The following TIMP2 variants were observed in gnomAD, a reference collection of about 807,000 sequenced individuals.
The protein encoded by TIMP2 is metalloproteinase inhibitor 2.
TIMP2 carries 5 observed loss-of-function variants against 24.3 expected under a neutral mutation model. The observed-to-expected ratio is 0.21, with a 90% CI of 0.11 to 0.43. The LOEUF (loss-of-function observed/expected upper bound fraction) is 0.43. TIMP2 is among the 20% of genes least tolerant of loss of function. The pLI is 1.00. For synonymous variants in TIMP2, 130 were observed against 123.2 expected, an observed-to-expected ratio of 1.06 and a Z score of -0.37; for missense variants, 221 against 297.5, an observed-to-expected ratio of 0.74 and a Z score of 1.89.
intron 3 of TIMP2, among the ~76,000 whole-genome samples, chr17:78,864,867 C>T (rs1274257134): frequency 6.6e-6 from 1 of 151,972 alleles, no homozygotes; most frequent in Non-Finnish European, 1.5e-5. Flanking sequence ...GCCTGACCAA[C>T]ATGATGAAAC....
intron 3 of TIMP2, among the ~76,000 whole-genome samples, chr17:78,858,680 C>T (rs184585617): frequency 1.3e-5 from 2 of 152,014 alleles, no homozygotes; most frequent in Non-Finnish European, 2.9e-5. Context: ...ACCACTACAC[C>T]CTGCTAATTT....
rs542225937 is a variant in TIMP2 at position 78,880,718 on chromosome 17, G to C, written c.131-6799C>G. 1.2e-4 allele frequency among the ~76,000 whole-genome samples: 19 copies of C among 152,260 alleles called. No individual in the cohort carries two copies. In the South Asian group the frequency reaches 2.7e-3, roughly 22 times the overall value. ...CTGCCTTTGAAAGAAAAAGAAAATT[G>C]CCTGTAAGAAATGTACTTATTCCAC... is the stretch of plus-strand genomic sequence containing the variant. On this transcript the variant is annotated intron_variant, in intron 1 of 4. Coordinates refer to ENST00000262768, the MANE Select transcript of TIMP2 (RefSeq NM_003255.5).
chr17:78,891,511 G>C lies in TIMP2; in HGVS notation c.131-17592C>G. 2 of 1,551,120 alleles carry C rather than the reference G, an allele frequency of 1.3e-6. No homozygotes were observed. The highest frequency in any genetic ancestry group is 2.4e-5 in the East Asian group (1 of 40,918). On this transcript the variant is annotated intron_variant, in intron 1 of 4. Coordinates refer to ENST00000262768, the MANE Select transcript of TIMP2 (RefSeq NM_003255.5). This position sits in a 1 kb window ranked among gnomAD's most constrained non-coding sequence, Gnocchi z 4.5. ...CTTTCTGCCACTTGTTCTTCTCCCG[G>C]AGCGTGCACTGAGATGCTGGGGACA...
chr17:78,886,877 A>G (rs2069829792), intron 1 of TIMP2, among the ~76,000 whole-genome samples: 1 of 152,066 alleles, frequency 6.6e-6, no homozygotes, highest in South Asian at 2.1e-4. Flanking sequence ...GGTGCACGCC[A>G]GTATGCCTGG....
rs553409881 is a variant in TIMP2 at position 78,884,709 on chromosome 17, G to C, written c.131-10790C>G. 3.9e-5 allele frequency among the ~76,000 whole-genome samples: 6 copies of C among 152,282 alleles called. 1 individual carries two copies. The highest frequency in any genetic ancestry group is 1.3e-4 in the Admixed American group (2 of 15,300). On this transcript the variant is annotated intron_variant, in intron 1 of 4. Transcript: ENST00000262768. Reference sequence around the variant, plus strand: ...CTTGGCCTGGGCTGTCACAGCAGCTGCAAGTGCAGGCTGCACCCCAGCCCT... The same window carrying C: ...CTTGGCCTGGGCTGTCACAGCAGCTCCAAGTGCAGGCTGCACCCCAGCCCT...
intron 1 of TIMP2, among the ~76,000 whole-genome samples, chr17:78,894,783 A>G (rs2069972184): frequency 6.6e-6 from 1 of 152,198 alleles, no homozygotes; most frequent in African/African-American, 2.4e-5. Flanking sequence ...CCAATAAACA[A>G]AGAAACGGAT....
intron 1 of TIMP2, among the ~76,000 whole-genome samples, chr17:78,915,588 C>G (rs2070250341): frequency 6.6e-6 from 1 of 151,806 alleles, no homozygotes; most frequent in African/African-American, 2.4e-5. Context: ...GGTGCGATGT[C>G]GGCTCACTGC....
rs1236677632 is a variant in TIMP2 at position 78,887,732 on chromosome 17, T to TG, written c.131-13814dup. 4.3e-3 allele frequency among the ~76,000 whole-genome samples: 541 copies of TG among 125,394 alleles called. 6 individuals carry two copies. The highest frequency in any genetic ancestry group is 0.02 in the African/African-American group (505 of 25,810). 82.3% of individuals were successfully genotyped at this position (125,394 alleles called of 152,430 possible). The stretch of plus-strand genomic sequence containing the variant: ...TTATAAGAGCAGGTCAATCTTTTTC[T>TG]GGGGAAAAAAAAAAAAATAGGAAAA... On this transcript the variant is annotated intron_variant, in intron 1 of 4. Transcript: ENST00000262768.
intron 1 of TIMP2, among the ~76,000 whole-genome samples, chr17:78,902,097 G>A (rs571689053): frequency 1.3e-5 from 2 of 152,198 alleles, no homozygotes; most frequent in Admixed American, 6.5e-5. Flanking sequence ...GTGGTGGCGG[G>A]GGGACGGGGG....
In TIMP2 at chr17:78,925,214, A is replaced by G. The variant is rs887816993; in HGVS notation, c.-126T>C. Reference sequence around the variant, plus strand: ...GAGGCGGGCCCCTCCCGCGCGGCTCACCCTCCTCACCTGCCCCGCTCGGCC... The same window carrying G: ...GAGGCGGGCCCCTCCCGCGCGGCTCGCCCTCCTCACCTGCCCCGCTCGGCC... On this transcript the variant is annotated 5_prime_UTR_variant, in exon 1 of 5. Coordinates refer to ENST00000262768, the MANE Select transcript of TIMP2 (RefSeq NM_003255.5). 10 of 173,834 alleles carry G rather than the reference A, an allele frequency of 5.8e-5. No homozygotes were observed. The highest frequency in any genetic ancestry group is 2.4e-4 in the African/African-American group (9 of 37,214). The allele number at this position is 173,834 out of a possible 1,614,324, so 10.8% of individuals were successfully genotyped here.
At chr17:78,861,660 C>A (rs375188398) in intron 3 of TIMP2, among the ~76,000 whole-genome samples, 1 of 149,992 alleles carries the variant, frequency 6.7e-6, no homozygotes, top group South Asian at 2.1e-4. Flanking sequence ...TGGAGTGCAG[C>A]GGTGCCATCT....
At position 78,901,984 on chromosome 17, in the gene TIMP2, G is replaced by GT. The variant is rs1325804312; in HGVS notation, c.130+22974dup. The GT allele has an allele frequency of 5.1e-6, 3 of 587,582 alleles. No homozygotes were observed. The African/African-American group carries it at 5.7e-5, about 11-fold the overall frequency. The allele number at this position is 587,582 out of a possible 1,614,324, so 36.4% of individuals were successfully genotyped here. On this transcript the variant is annotated intron_variant, in intron 1 of 4. Transcript: ENST00000262768. ...AAACATCAGAAACATTTTTAACTCC[G>GT]TTTCTCTGAGTTCTAGCCTCTAAAA...
intron 1 of TIMP2, among the ~76,000 whole-genome samples, chr17:78,878,496 C>A (rs1188372967): frequency 6.6e-6 from 1 of 152,228 alleles, no homozygotes; most frequent in African/African-American, 2.4e-5. Flanking sequence ...ACGGTGGCAT[C>A]ATGCCACTCA....
intron 1 of TIMP2, among the ~76,000 whole-genome samples, chr17:78,875,057 T>C (rs2069717791): frequency 6.6e-6 from 1 of 152,156 alleles, no homozygotes; most frequent in African/African-American, 2.4e-5. Context: ...TTTGTATTTT[T>C]AGTAGAGACA....
chr17:78,918,721 G>A (rs114096925), intron 1 of TIMP2, among the ~76,000 whole-genome samples: 2,228 of 152,166 alleles, frequency 0.015, 44 homozygotes, highest in African/African-American at 0.051. Context: ...TATATAGGCC[G>A]GGCACCGTGG....
At chr17:78,900,914 C>T (rs1233373765) in intron 1 of TIMP2, 1 of 152,306 alleles carries the variant, frequency 6.6e-6, no homozygotes, top group Admixed American at 6.5e-5. Context: ...CCTGAGTGAA[C>T]AGAAACGCCT....
At chr17:78,887,151 A>G (rs1362805956) in intron 1 of TIMP2, among the ~76,000 whole-genome samples, 2 of 152,172 alleles carry the variant, frequency 1.3e-5, no homozygotes, top group Non-Finnish European at 2.9e-5. Context: ...CGTCCAAATG[A>G]GCGTAACGCT....
chr17:78,860,974 T>C (rs1203824525), intron 3 of TIMP2, among the ~76,000 whole-genome samples: 1 of 144,152 alleles, frequency 6.9e-6, no homozygotes, highest in Non-Finnish European at 1.5e-5. Context: ...AGGTGGAAGT[T>C]ACAAAGAGCC....
At chr17:78,869,810 G>A (rs1030524205) in intron 3 of TIMP2, among the ~76,000 whole-genome samples, 64 of 152,246 alleles carry the variant, frequency 4.2e-4, no homozygotes, top group Admixed American at 4.2e-3. Context: ...GCGAGACTCT[G>A]TCTCAAAAAC....
Sources: allele counts gnomAD v4.1 joint callset (sites outside exome capture counted in the v4.1 genomes callset), GRCh38; gene constraint gnomAD v4.1.1; non-coding constraint Gnocchi (gnomAD v3.1); transcripts MANE v1.5; gene names NCBI Gene and HGNC (gene_info 2026-07-23, HGNC 2026-07-21).